RGS7: variants seen among roughly 807,000 people sequenced by gnomAD.
The protein encoded by RGS7 is regulator of G protein signaling 7.
Under a neutral mutation model 81.1 loss-of-function variants are expected in RGS7, and 27 were observed. The observed-to-expected ratio is 0.33, with a 90% CI of 0.25 to 0.46. The LOEUF is 0.46. RGS7 is among the 20% of genes least tolerant of loss of function. The pLI is 1.00. For missense variants in RGS7, 396 were observed against 607.4 expected (o/e 0.65, Z 3.66); for synonymous variants, 208 against 207.7 (o/e 1.00, Z -0.01).
chr1:241,303,761 T>C (rs2079914577), intron 2 of RGS7, among the ~76,000 whole-genome samples: 1 of 152,232 alleles, frequency 6.6e-6, no homozygotes, highest in Non-Finnish European at 1.5e-5. Flanking sequence ...GTTTGCCCTG[T>C]GGAGTTCTTC....
intron 2 of RGS7, among the ~76,000 whole-genome samples, chr1:241,320,637 G>C (rs2081153035): frequency 6.6e-6 from 1 of 152,174 alleles, no homozygotes; most frequent in Non-Finnish European, 1.5e-5. Context: ...CATTCAATAA[G>C]CATTAACTGA....
chr1:241,256,409 C>T (rs1256808846), intron 2 of RGS7, among the ~76,000 whole-genome samples: 1 of 152,178 alleles, frequency 6.6e-6, no homozygotes, highest in Non-Finnish European at 1.5e-5. Context: ...CTGATATCCA[C>T]AGAAACACTT....
At chr1:240,915,370 C>A (rs1672431894) in intron 6 of RGS7, among the ~76,000 whole-genome samples, 1 of 152,078 alleles carries the variant, frequency 6.6e-6, no homozygotes, top group African/African-American at 2.4e-5. Context: ...GGGACTGGGT[C>A]CTAATCATCA....
chr1:241,106,909 A>T (rs1483284412), intron 2 of RGS7, among the ~76,000 whole-genome samples: 5 of 143,168 alleles, frequency 3.5e-5, no homozygotes, highest in Admixed American at 2.1e-4. Context: ...TTTTTTTTTT[A>T]AATAAATCAT....
intron 4 of RGS7, among the ~76,000 whole-genome samples, chr1:240,953,963 T>C (rs2148446055): frequency 6.6e-6 from 1 of 152,118 alleles, no homozygotes; most frequent in Middle Eastern, 3.4e-3. Context: ...AAAGGAACAC[T>C]ATGAGCAATA....
chr1:241,120,302 C>T (rs1201248971), intron 2 of RGS7, among the ~76,000 whole-genome samples: 2 of 152,130 alleles, frequency 1.3e-5, no homozygotes, highest in Admixed American at 6.5e-5. Flanking sequence ...CTCTACATAC[C>T]ACTATCATCA....
intron 6 of RGS7, among the ~76,000 whole-genome samples, chr1:240,894,167 T>C (rs1161162868): frequency 6.6e-6 from 1 of 152,238 alleles, no homozygotes; most frequent in East Asian, 1.9e-4. Context: ...ATTTTGGAGA[T>C]AGGCTACGTA....
chr1:240,933,075 G>A (rs183877589), intron 5 of RGS7, among the ~76,000 whole-genome samples: 1 of 148,940 alleles, frequency 6.7e-6, no homozygotes, highest in African/African-American at 2.5e-5. Context: ...GTAGAGACGG[G>A]GTTTCACCGT....
At chr1:241,199,695 A>T (rs1211734481) in intron 2 of RGS7, among the ~76,000 whole-genome samples, 2 of 151,682 alleles carry the variant, frequency 1.3e-5, no homozygotes, top group African/African-American at 2.4e-5. Flanking sequence ...GAAAAAAAAA[A>T]AAAAGAGAAA....
At chr1:240,913,895 TGTTTTTTTA>T (rs1481090308) in intron 6 of RGS7, among the ~76,000 whole-genome samples, 1 of 152,078 alleles carries the variant, frequency 6.6e-6, no homozygotes, top group African/African-American at 2.4e-5. Flanking sequence ...TTGTTTTTTT[TGTTTTTTTA>T]ATTTTCTTTT....
chr1:240,800,720 C>G lies in RGS7; in HGVS notation c.1415G>C (p.Gly472Ala). ...GCATGGGAAAATAGGGATGTTTCTG[C>G]CCTATAAAAATAAATGTGTTGAAGG... ...TSFEKFAQNVGRNIPIFPCHK... is the reference protein window; with the variant it reads ...TSFEKFAQNVARNIPIFPCHK... The change falls in exon 18 of 19, where the codon GGC becomes GCC. Residue 472 changes from glycine (G) to alanine (A), a missense_variant and splice_region_variant. Transcript: ENST00000440928. 6.5e-7 allele frequency: 1 copy of G among 1,539,614 alleles called. No homozygotes were observed.
intron 3 of RGS7, among the ~76,000 whole-genome samples, chr1:241,046,402 T>C (rs576043909): frequency 6.6e-6 from 1 of 151,032 alleles, no homozygotes; most frequent in Non-Finnish European, 1.5e-5. Context: ...AACCAAATAC[T>C]ACATGTTCTC....
At chr1:240,961,657 G>A (rs1022279346) in intron 4 of RGS7, among the ~76,000 whole-genome samples, 1 of 151,976 alleles carries the variant, frequency 6.6e-6, no homozygotes, top group Admixed American at 6.6e-5. Flanking sequence ...ATGCGCAATG[G>A]GGAATGCAAA....
chr1:241,183,629 C>T (rs1417219254), intron 2 of RGS7, among the ~76,000 whole-genome samples: 1 of 152,170 alleles, frequency 6.6e-6, no homozygotes, highest in Non-Finnish European at 1.5e-5. Flanking sequence ...GGGTCAAGTA[C>T]AAAACTTATA....
At chr1:241,321,706 C>T (rs926508039) in intron 2 of RGS7, among the ~76,000 whole-genome samples, 1 of 152,076 alleles carries the variant, frequency 6.6e-6, no homozygotes, top group East Asian at 1.9e-4. Context: ...TAAACTGCAC[C>T]TAGATCTAAT....
intron 2 of RGS7, chr1:241,186,510 CAT>C (rs199710247): frequency 1.6e-4 from 49 of 305,440 alleles, no homozygotes; most frequent in East Asian, 8.5e-4. Flanking sequence ...ATTTCCTAAC[CAT>C]ATATATATAT....
intron 4 of RGS7, among the ~76,000 whole-genome samples, chr1:240,963,643 G>A (rs998183382): frequency 1.3e-5 from 2 of 152,108 alleles, no homozygotes; most frequent in Non-Finnish European, 2.9e-5. Flanking sequence ...TATAAGTGGG[G>A]GATACACACC....
chr1:240,994,379 A>G (rs1686959236), intron 3 of RGS7, among the ~76,000 whole-genome samples: 1 of 152,172 alleles, frequency 6.6e-6, no homozygotes, highest in Admixed American at 6.5e-5. Context: ...TTCAGCATAC[A>G]AGTCCTGAAC....
intron 2 of RGS7, among the ~76,000 whole-genome samples, chr1:241,114,679 CTG>C (rs1262363275): frequency 6.6e-6 from 1 of 152,034 alleles, no homozygotes; most frequent in Non-Finnish European, 1.5e-5. Flanking sequence ...TAGATTATTC[CTG>C]TGTATAAGAA....
Sources: gnomAD v4.1 joint callset for allele counts (sites outside exome capture counted in the v4.1 genomes callset) on GRCh38, gnomAD v4.1.1 for gene constraint, MANE v1.5 for transcripts, NCBI Gene and HGNC (gene_info 2026-07-23, HGNC 2026-07-21) for gene names.